Variants in FOCAD observed in about 807,000 individuals in gnomAD.
The protein encoded by FOCAD is KIAA1797.
In FOCAD, 198 loss-of-function variants were observed where a neutral mutation model predicts 225.6. The ratio of observed to expected loss-of-function variants is 0.88; its 90% CI spans 0.78 to 0.99. The LOEUF (loss-of-function observed/expected upper bound fraction) is 0.99, where lower values mean the gene tolerates loss of function less well. Ranked by LOEUF, FOCAD falls within the 50% of genes least tolerant of loss-of-function variation. The pLI, the probability that FOCAD is intolerant of heterozygous loss-of-function variation, is 0.00. For synonymous variants in FOCAD, 897 were observed against 755.0 expected (o/e 1.19, Z -3.08); for missense variants, 2,713 against 2,123.6 (o/e 1.28, Z -5.46).
intron 11 of FOCAD, among the ~76,000 whole-genome samples, chr9:20,799,050 T>A (rs1350881585): frequency 6.6e-6 from 1 of 152,236 alleles, no homozygotes; most frequent in Non-Finnish European, 1.5e-5. Flanking sequence ...ATGCTGTGTC[T>A]TTGTTCTCAT....
chr9:20,895,902 A>G (rs187637904), intron 21 of FOCAD, among the ~76,000 whole-genome samples: 1 of 151,986 alleles, frequency 6.6e-6, no homozygotes, highest in East Asian at 1.9e-4. Flanking sequence ...GATTTCCAGT[A>G]TGATGTTGAA....
chr9:20,752,581 G>A (rs989068452), intron 5 of FOCAD, among the ~76,000 whole-genome samples: 46 of 152,152 alleles, frequency 3.0e-4, no homozygotes, highest in Non-Finnish European at 5.1e-4. Flanking sequence ...ATAGTTTGAA[G>A]TCAGGTGGTG....
chr9:20,693,325 G>A (rs551451303), intron 1 of FOCAD, among the ~76,000 whole-genome samples: 8 of 152,258 alleles, frequency 5.3e-5, no homozygotes, highest in Admixed American at 5.2e-4. Context: ...CAGGCTACTC[G>A]AGTACTTCCT....
chr9:20,714,630 GCCTGCCTT>G (rs1265700303), intron 1 of FOCAD, among the ~76,000 whole-genome samples: 27 of 120,826 alleles, frequency 2.2e-4, no homozygotes, highest in South Asian at 1.1e-3. Flanking sequence ...CTGCCTGCCT[GCCTGCCTT>G]CCTTCCTTCC....
intron 15 of FOCAD, among the ~76,000 whole-genome samples, chr9:20,856,389 A>G (rs761253973): frequency 6.6e-5 from 10 of 151,914 alleles, no homozygotes; most frequent in Non-Finnish European, 1.0e-4. Context: ...CATGTCTTCT[A>G]TTGATAAATA....
intron 26 of FOCAD, among the ~76,000 whole-genome samples, chr9:20,928,428 A>G (rs1835162185): frequency 1.3e-5 from 2 of 152,218 alleles, no homozygotes; most frequent in Admixed American, 1.3e-4. Flanking sequence ...CCTAGAATTA[A>G]AAACATATTT....
chr9:20,781,410 C>T (rs555016603), intron 9 of FOCAD, among the ~76,000 whole-genome samples: 1 of 152,270 alleles, frequency 6.6e-6, no homozygotes, highest in South Asian at 2.1e-4. Flanking sequence ...TCTCTTAGCT[C>T]TGTTTGCTGA....
At chr9:20,695,524 T>TC (rs1823298816) in intron 1 of FOCAD, among the ~76,000 whole-genome samples, 1 of 152,186 alleles carries the variant, frequency 6.6e-6, no homozygotes, top group Non-Finnish European at 1.5e-5. Flanking sequence ...TTTTTCCCTG[T>TC]CCCCTCATCC....
chr9:20,825,338 A>T (rs1328376232), intron 15 of FOCAD, among the ~76,000 whole-genome samples: 1 of 152,064 alleles, frequency 6.6e-6, no homozygotes, highest in Non-Finnish European at 1.5e-5. Context: ...GTCAGCTCGC[A>T]TTCTGTGAAG....
At chr9:20,679,172 T>TGTGTGTGTGTG (rs1822325484) in intron 2 of FOCAD, among the ~76,000 whole-genome samples, 1 of 111,876 alleles carries the variant, frequency 8.9e-6, no homozygotes, top group Admixed American at 9.3e-5. Flanking sequence ...TGTGTGTGTG[T>TGTGTGTGTGTG]TGGGGATGGA....
chr9:20,807,714 C>A (rs1263982415), intron 11 of FOCAD, among the ~76,000 whole-genome samples: 1 of 152,064 alleles, frequency 6.6e-6, no homozygotes, highest in African/African-American at 2.4e-5. Context: ...AGTACAAATT[C>A]CCAATGCTCA....
chr9:20,692,536 G>T (rs1823035466), intron 1 of FOCAD, among the ~76,000 whole-genome samples: 1 of 152,168 alleles, frequency 6.6e-6, no homozygotes, highest in African/African-American at 2.4e-5. Context: ...GTGATTCTGT[G>T]GTTGGCAGCT....
At chr9:20,751,626 C>T (rs10120368) in intron 5 of FOCAD, among the ~76,000 whole-genome samples, 1 of 136,688 alleles carries the variant, frequency 7.3e-6, no homozygotes, top group Non-Finnish European at 1.6e-5. Context: ...ATATGTGTGC[C>T]TGTGTCTTTA....
At chr9:20,925,592 G>A (rs1834861451) in intron 25 of FOCAD, among the ~76,000 whole-genome samples, 1 of 152,192 alleles carries the variant, frequency 6.6e-6, no homozygotes, top group Non-Finnish European at 1.5e-5. Context: ...ATTTGAAGAT[G>A]TGACAGCCTT....
chr9:20,888,432 TG>T (rs1444701294), intron 21 of FOCAD, among the ~76,000 whole-genome samples: 7 of 152,154 alleles, frequency 4.6e-5, no homozygotes, highest in Non-Finnish European at 8.8e-5. Context: ...CCACTGCGCC[TG>T]GCCTTCATTT....
chr9:20,771,359 C>G (rs1489682670), intron 8 of FOCAD, among the ~76,000 whole-genome samples: 1 of 152,060 alleles, frequency 6.6e-6, no homozygotes, highest in Non-Finnish European at 1.5e-5. Context: ...AGATCTTTCT[C>G]GTAGGAAGAT....
At chr9:20,968,640 C>T (rs1839489109) in intron 35 of FOCAD, among the ~76,000 whole-genome samples, 1 of 151,776 alleles carries the variant, frequency 6.6e-6, no homozygotes, top group South Asian at 2.1e-4. Context: ...TGGGGTTTGA[C>T]CATGCTGTCT....
intron 35 of FOCAD, among the ~76,000 whole-genome samples, chr9:20,954,747 G>T (rs1837980996): frequency 6.6e-6 from 1 of 152,140 alleles, no homozygotes; most frequent in African/African-American, 2.4e-5. Flanking sequence ...CAGATTTTTG[G>T]CATTTTCAGG....
chr9:20,983,076 T>C (rs940224852), intron 39 of FOCAD, among the ~76,000 whole-genome samples: 10 of 152,236 alleles, frequency 6.6e-5, no homozygotes, highest in African/African-American at 2.4e-4. Flanking sequence ...CTTGAATTTC[T>C]GCATCATATG....
Sources: allele counts gnomAD v4.1 joint callset (sites outside exome capture counted in the v4.1 genomes callset), GRCh38; gene constraint gnomAD v4.1.1; transcripts MANE v1.5; gene names NCBI Gene and HGNC (gene_info 2026-07-23, HGNC 2026-07-21).